EGFR: variants seen among roughly 807,000 people sequenced by gnomAD.
EGFR encodes epidermal growth factor receptor, also known as avian erythroblastic leukemia viral (v-erb-b) oncogene homolog.
Under a neutral mutation model 143.0 loss-of-function variants are expected in EGFR, and 58 were observed. The observed-to-expected ratio is 0.41, with a 90% CI of 0.33 to 0.50. The LOEUF is 0.50. Among genes scored for constraint, EGFR ranks in the 20% least tolerant of loss-of-function variants. The pLI is 0.39. For synonymous variants in EGFR, 613 were observed against 594.4 expected (o/e 1.03, Z -0.45); for missense variants, 1,307 against 1,579.0 (o/e 0.83, Z 2.92).
intron 1 of EGFR, among the ~76,000 whole-genome samples, chr7:55,076,767 C>T (rs1341149459): frequency 6.6e-6 from 1 of 152,146 alleles, no homozygotes; most frequent in East Asian, 1.9e-4. Context: ...AAGAGTTCTT[C>T]GTATGTCAGA....
rs2128937458 is a variant in EGFR at position 55,155,881 on chromosome 7, A to G, written c.941A>G (p.Asp314Gly). The change falls in exon 8 of 28, where the codon GAC becomes GGC. Residue 314 changes from aspartate to glycine, a missense_variant. Physicochemically the swap from Asp to Gly is moderately conservative, Grantham distance 94 (BLOSUM62 -1). This residue lies in a region of EGFR where 311 missense variants were observed against 412.3 expected (regional missense o/e 0.75). Transcript: ENST00000275493. ...TCGTGCGTCCGAGCCTGTGGGGCCG[A>G]CAGCTATGAGATGGAGGAAGACGGC... ...HGSCVRACGA[D>G]SYEMEEDGVR... 6.2e-7 allele frequency: 1 copy of G among 1,613,996 alleles called. No individual in the cohort carries two copies. Among genetic ancestry groups the G allele is most frequent in the Non-Finnish European group, 8.5e-7 (1 of 1,180,014 alleles).
intron 19 of EGFR, among the ~76,000 whole-genome samples, chr7:55,177,587 G>A (rs989970115): frequency 6.6e-6 from 1 of 152,202 alleles, no homozygotes; most frequent in African/African-American, 2.4e-5. Context: ...TCTCCTTAAG[G>A]AGTTCAAGAG....
chr7:55,090,265 TA>T (rs1370714654), intron 1 of EGFR, among the ~76,000 whole-genome samples: 1 of 152,186 alleles, frequency 6.6e-6, no homozygotes, highest in African/African-American at 2.4e-5. Flanking sequence ...CGTGCATTTT[TA>T]GTTTTGATGA....
In EGFR at chr7:55,060,286, T is replaced by C. The variant is rs980703588; in HGVS notation, c.88+40921T>C. ...GTTCTTACTGGGTGAATTTGTGTGG[T>C]TTCCTGACATTTTTGTTTTTAGTAG... On this transcript the variant is annotated intron_variant, in intron 1 of 27. Transcript: ENST00000275493. Among the ~76,000 whole-genome samples, 5 of 152,220 alleles carry C rather than the reference T, an allele frequency of 3.3e-5. No homozygotes were observed. In the South Asian group the frequency reaches 1.0e-3, roughly 32 times the overall value.
intron 1 of EGFR, among the ~76,000 whole-genome samples, chr7:55,137,037 A>AC (rs1411276807): frequency 6.6e-6 from 1 of 152,258 alleles, no homozygotes; most frequent in African/African-American, 2.4e-5. Context: ...TTATTAAGTT[A>AC]TTCCTACTTA....
intron 1 of EGFR, among the ~76,000 whole-genome samples, chr7:55,125,249 G>A (rs1793455347): frequency 6.6e-6 from 1 of 152,204 alleles, no homozygotes; most frequent in South Asian, 2.1e-4. Context: ...GTTGGGAGAA[G>A]GAGATTATTT....
At chr7:55,107,373 A>G (rs1792198936) in intron 1 of EGFR, among the ~76,000 whole-genome samples, 1 of 152,170 alleles carries the variant, frequency 6.6e-6, no homozygotes, top group Non-Finnish European at 1.5e-5. Flanking sequence ...ATTTGATGTT[A>G]TTTGATGACA....
intron 22 of EGFR, among the ~76,000 whole-genome samples, chr7:55,193,902 A>C (rs1775135009): frequency 6.6e-6 from 1 of 152,204 alleles, no homozygotes; most frequent in African/African-American, 2.4e-5. Context: ...CTCTTCTGTT[A>C]AAATGTAAGA....
At chr7:55,202,937 G>A (rs1787918474) in intron 27 of EGFR, 1 of 615,852 alleles carries the variant, frequency 1.6e-6, no homozygotes, top group South Asian at 1.9e-5. Context: ...GTGTACATCT[G>A]TGTATGTGTG....
Position 55,160,019 on chromosome 7 carries a change from A to T in EGFR, c.1299-120A>T, listed in dbSNP as rs115177847. 4.0e-4 allele frequency: 429 copies of T among 1,061,200 alleles called. 1 individual carries two copies. The African/African-American group carries it at 6.2e-3, about 15-fold the overall frequency. The allele number at this position is 1,061,200 out of a possible 1,614,324, so 65.7% of individuals were successfully genotyped here. A position where few individuals can be genotyped will look rare whatever the true frequency, so the allele number is the denominator to read the frequency against. On this transcript the variant is annotated intron_variant, in intron 11 of 27. Transcript: ENST00000275493. ...TGCAGTGTGTGCCTCCCACAGCATG[A>T]CCTACCATCATTGGAAAGCAGTTTG...
At chr7:55,091,892 C>CACACT in intron 1 of EGFR, among the ~76,000 whole-genome samples, 1 of 118,576 alleles carries the variant, frequency 8.4e-6, no homozygotes, top group South Asian at 3.2e-4. Flanking sequence ...ACACACACAC[C>CACACT]CTGAGAGAGA....
intron 1 of EGFR, among the ~76,000 whole-genome samples, chr7:55,129,494 A>T (rs1343689203): frequency 6.6e-6 from 1 of 152,132 alleles, no homozygotes. Context: ...TTCTTCACAC[A>T]CTCCTAGTCA....
chr7:55,104,045 C>T (rs1354247868), intron 1 of EGFR, among the ~76,000 whole-genome samples: 1 of 152,168 alleles, frequency 6.6e-6, no homozygotes, highest in African/African-American at 2.4e-5. Context: ...AACTCAAATC[C>T]AATTTATAGG....
At chr7:55,124,715 C>T (rs1793419752) in intron 1 of EGFR, among the ~76,000 whole-genome samples, 1 of 152,176 alleles carries the variant, frequency 6.6e-6, no homozygotes, top group Non-Finnish European at 1.5e-5. Context: ...GCTGAAAGAC[C>T]AGACACTATC....
intron 1 of EGFR, among the ~76,000 whole-genome samples, chr7:55,098,356 C>T (rs1047358774): frequency 2.6e-5 from 4 of 152,202 alleles, no homozygotes; most frequent in Admixed American, 2.0e-4. Flanking sequence ...TCTGACCCGA[C>T]AGCACGCATG....
At position 55,174,761 on chromosome 7, in the gene EGFR, G is replaced by A. The variant is rs587778250; in HGVS notation, c.2224G>A (p.Val742Ile). ...AGAAGGTGAGAAAGTTAAAATTCCC[G>A]TCGCTATCAAGGAATTAAGAGAAGC... ...IPEGEKVKIP[V>I]AIKELREATS... Residue 742 changes from valine (V) to isoleucine (I), a missense_variant, in exon 19 of 28, where the codon GTC becomes ATC. Coordinates refer to ENST00000275493, the MANE Select transcript of EGFR (RefSeq NM_005228.5). 3.5e-5 allele frequency: 56 copies of A among 1,613,952 alleles called. No individual in the cohort carries two copies. Among genetic ancestry groups the A allele is most frequent in the Middle Eastern group, 1.6e-4 (1 of 6,084 alleles).
In EGFR at chr7:55,027,990, AAATATATATATATATATAT is replaced by A. The variant is rs1301452565; in HGVS notation, c.88+8627_88+8645del. ...TGCCTTTATGTAAAAAAAAAAAAAA[AAATATATATATATATATAT>A]ATATATATATATATATACACACACA... On this transcript the variant is annotated intron_variant, in intron 1 of 27. Transcript: ENST00000275493. Among the ~76,000 whole-genome samples the A allele has an allele frequency of 3.6e-3, 236 of 64,878 alleles. 3 individuals are homozygous for A. The highest frequency in any genetic ancestry group is 9.4e-3 in the Middle Eastern group (1 of 106). The allele number at this position is 64,878 out of a possible 152,430, so 42.6% of individuals were successfully genotyped here.
In EGFR at chr7:55,126,696, T is replaced by C. The variant is rs1053358457; in HGVS notation, c.89-15590T>C. On this transcript the variant is annotated intron_variant, in intron 1 of 27. Coordinates refer to ENST00000275493, the MANE Select transcript of EGFR (RefSeq NM_005228.5). ...TAAAAGGGATTTAATTCTAGTGGGA[T>C]TGAATCTCAATAGTTTCCTTATTAG... is the stretch of plus-strand genomic sequence containing the variant. Among the ~76,000 whole-genome samples, 6 of 152,372 alleles carry C rather than the reference T, an allele frequency of 3.9e-5. No individual in the cohort carries two copies. The East Asian group carries it at 9.6e-4, about 24-fold the overall frequency.
intron 1 of EGFR, among the ~76,000 whole-genome samples, chr7:55,110,226 T>C (rs2128907239): frequency 6.6e-6 from 1 of 152,336 alleles, no homozygotes. Flanking sequence ...AACAGCATAA[T>C]GGAAAATATA....
Sources: gnomAD v4.1 joint callset for allele counts (sites outside exome capture counted in the v4.1 genomes callset) on GRCh38, gnomAD v4.1.1 for gene constraint, gnomAD v4.1.1 regional missense constraint, MANE v1.5 for transcripts, NCBI Gene and HGNC (gene_info 2026-07-23, HGNC 2026-07-21) for gene names.